Variants in TPST2 observed in about 807,000 individuals in gnomAD.
The protein encoded by TPST2 is protein-tyrosine sulfotransferase 2.
TPST2 carries 16 observed loss-of-function variants against 27.8 expected under a neutral mutation model. The ratio of observed to expected loss-of-function variants is 0.58; its 90% CI spans 0.39 to 0.88. The LOEUF (loss-of-function observed/expected upper bound fraction) is 0.88. Among genes scored for constraint, TPST2 ranks in the 40% least tolerant of loss-of-function variants. The pLI is 0.00. For synonymous variants in TPST2, 229 were observed against 231.7 expected, an observed-to-expected ratio of 0.99 and a Z score of 0.10; for missense variants, 464 against 543.1, an observed-to-expected ratio of 0.85 and a Z score of 1.45.
intron 2 of TPST2, 130 bp downstream of exon 2, chr22:26,544,474 A>G: frequency 1.1e-5 from 3 of 282,618 alleles, no homozygotes; most frequent in Non-Finnish European, 1.6e-5. Context: ...CTGAACAGAA[A>G]GGTGAAAACC....
At chr22:26,559,470 G>C (rs1448277594) in intron 1 of TPST2, among the ~76,000 whole-genome samples, 1 of 110,740 alleles carries the variant, frequency 9.0e-6, no homozygotes. Context: ...TACACTCACA[G>C]AGTTTTCGTA....
intron 3 of TPST2, among the ~76,000 whole-genome samples, chr22:26,540,199 C>T (rs920096703): frequency 6.6e-6 from 1 of 152,214 alleles, no homozygotes; most frequent in African/African-American, 2.4e-5. Flanking sequence ...CAGGGTCACA[C>T]AGCTAAGAAG....
At chr22:26,567,031 A>G (rs2147226385) in intron 1 of TPST2, among the ~76,000 whole-genome samples, 2 of 152,254 alleles carry the variant, frequency 1.3e-5, no homozygotes, top group South Asian at 4.1e-4. Context: ...ACAACCAAAA[A>G]TGTCCCCAGG....
At chr22:26,569,989 GA>G (rs370580876) in intron 1 of TPST2, among the ~76,000 whole-genome samples, 1 of 22,812 alleles carries the variant, frequency 4.4e-5, no homozygotes, top group Non-Finnish European at 8.0e-5. Flanking sequence ...AGAAAAGAAA[GA>G]AAAAGAAAGA....
chr22:26,549,930 C>G (rs1926372268), intron 1 of TPST2, among the ~76,000 whole-genome samples: 1 of 149,680 alleles, frequency 6.7e-6, no homozygotes. Flanking sequence ...CTCCCAGCTA[C>G]TCAGGAGGCT....
In TPST2 at chr22:26,528,160, G is replaced by T. The variant is rs1429200452; in HGVS notation, c.*7+54C>A. 2.6e-6 allele frequency: 4 copies of T among 1,549,148 alleles called. No homozygotes were observed. The African/African-American group carries it at 5.5e-5, about 21-fold the overall frequency. Reference sequence around the variant, plus strand: ...AGAAAAGTGGCTTTTCAGAAAAGTGGCTCCGGGGCCACCCAGAAGCAGCGG... The same window carrying T: ...AGAAAAGTGGCTTTTCAGAAAAGTGTCTCCGGGGCCACCCAGAAGCAGCGG... On this transcript the variant is annotated intron_variant, in intron 6 of 6. Transcript: ENST00000338754.
At chr22:26,574,770 G>A (rs1280432356) in intron 1 of TPST2, among the ~76,000 whole-genome samples, 3 of 152,054 alleles carry the variant, frequency 2.0e-5, no homozygotes, top group African/African-American at 7.2e-5. Flanking sequence ...CAGAATGTAG[G>A]CTCCCAACCA....
intron 1 of TPST2, among the ~76,000 whole-genome samples, chr22:26,558,311 T>C (rs1187465222): frequency 6.6e-6 from 1 of 151,858 alleles, no homozygotes; most frequent in African/African-American, 2.4e-5. Context: ...GCTAATTTTT[T>C]TGTATTTTTA....
chr22:26,554,621 T>G (rs1201185317), intron 1 of TPST2, among the ~76,000 whole-genome samples: 1 of 152,184 alleles, frequency 6.6e-6, no homozygotes, highest in Non-Finnish European at 1.5e-5. Context: ...ATCTGTGAAA[T>G]GGGGAGGCCA....
intron 2 of TPST2, among the ~76,000 whole-genome samples, chr22:26,543,603 G>A (rs565854012): frequency 6.5e-4 from 99 of 152,238 alleles, no homozygotes; most frequent in African/African-American, 2.0e-3. Flanking sequence ...CACCGCACCC[G>A]GCCAGCTTCA....
Position 26,548,853 on chromosome 22 carries a change from A to G in TPST2, c.-160-4178T>C, listed in dbSNP as rs991734822. On this transcript the variant is annotated intron_variant, in intron 1 of 6. Coordinates refer to ENST00000338754, the MANE Select transcript of TPST2 (RefSeq NM_003595.5). ...TGTGGTGGTGCTTGCCTGTAGTCCC[A>G]GCTAATTGGGATGCTGAGGCAGGAG... Among the ~76,000 whole-genome samples, 124 of 152,004 alleles carry G rather than the reference A, an allele frequency of 8.2e-4. 2 individuals are homozygous for G. The highest frequency in any genetic ancestry group is 8.0e-3 in the Admixed American group (122 of 15,234).
rs1023223172 is a variant in TPST2 at position 26,522,271 on chromosome 22, G to T, written c.*4004C>A. ...CACAGTTGGAAAGTGGTAGAGCCAGGATGAGACGCTAATTCTGACTCCAAA... is the reference window on the plus strand; with the variant it reads ...CACAGTTGGAAAGTGGTAGAGCCAGTATGAGACGCTAATTCTGACTCCAAA... On this transcript the variant is annotated 3_prime_UTR_variant, in exon 7 of 7. Transcript: ENST00000338754. 6.6e-6 allele frequency: 1 copy of T among 152,158 alleles called. No individual in the cohort carries two copies. Among genetic ancestry groups the T allele is most frequent in the Admixed American group, 6.5e-5 (1 of 15,270 alleles). 9.4% of individuals were successfully genotyped at this position (152,158 alleles called of 1,614,324 possible). A position where few individuals can be genotyped will look rare whatever the true frequency, so the allele number is the denominator to read the frequency against.
chr22:26,551,554 G>A (rs2147204274), intron 1 of TPST2, among the ~76,000 whole-genome samples: 1 of 152,218 alleles, frequency 6.6e-6, no homozygotes, highest in South Asian at 2.1e-4. Context: ...TCCCTGTCTT[G>A]CTTTGCATTT....
chr22:26,553,647 T>C (rs1461635225), intron 1 of TPST2, among the ~76,000 whole-genome samples: 29 of 152,174 alleles, frequency 1.9e-4, no homozygotes. Context: ...CATGAGCTAC[T>C]GCACCTGGCT....
At chr22:26,584,835 A>T (rs1928278044) in intron 1 of TPST2, among the ~76,000 whole-genome samples, 1 of 152,232 alleles carries the variant, frequency 6.6e-6, no homozygotes, top group Non-Finnish European at 1.5e-5. Context: ...GTTAAACCAC[A>T]TACAGTGCCT....
intron 1 of TPST2, among the ~76,000 whole-genome samples, chr22:26,545,817 C>T (rs118128764): frequency 2.3e-3 from 349 of 152,282 alleles, no homozygotes; most frequent in Non-Finnish European, 3.7e-3. Context: ...TGGTGGCTCA[C>T]GCCTGTGATC....
intron 1 of TPST2, among the ~76,000 whole-genome samples, chr22:26,579,836 A>G (rs1928022003): frequency 6.8e-6 from 1 of 147,680 alleles, no homozygotes; most frequent in Non-Finnish European, 1.5e-5. Context: ...AGATGGGGAG[A>G]GAGAGTCAGA....
intron 1 of TPST2, among the ~76,000 whole-genome samples, chr22:26,586,090 C>A (rs1334334779): frequency 6.6e-6 from 1 of 152,030 alleles, no homozygotes; most frequent in Non-Finnish European, 1.5e-5. Flanking sequence ...AACAGCCTAA[C>A]CGATCCCAAG....
At chr22:26,560,470 G>C (rs1214764486) in intron 1 of TPST2, 3 of 744,060 alleles carry the variant, frequency 4.0e-6, no homozygotes, top group Non-Finnish European at 7.0e-6. Flanking sequence ...GCCGGGGCAA[G>C]TGAGAGCCGG....
Sources: allele counts gnomAD v4.1 joint callset (sites outside exome capture counted in the v4.1 genomes callset), GRCh38; gene constraint gnomAD v4.1.1; transcripts MANE v1.5; gene names NCBI Gene and HGNC (gene_info 2026-07-23, HGNC 2026-07-21).